Variants in LRP1B observed in about 807,000 individuals in gnomAD.
LRP1B encodes low-density lipoprotein receptor-related protein 1B.
A neutral mutation model predicts 556.6 loss-of-function variants in LRP1B; 217 were observed. The ratio of observed to expected loss-of-function variants is 0.39; its 90% CI spans 0.35 to 0.44. The LOEUF (loss-of-function observed/expected upper bound fraction) is 0.44, where lower values mean the gene tolerates loss of function less well. Ranked by LOEUF, LRP1B falls within the 20% of genes least tolerant of loss-of-function variation. LRP1B has a pLI of 1.00. For missense variants in LRP1B, 5,053 were observed against 5,620.8 expected (o/e 0.90, Z 3.23); for synonymous variants, 2,047 against 1,865.8 (o/e 1.10, Z -2.50).
chr2:141,285,455 CT>C (rs1170251213), intron 3 of LRP1B, among the ~76,000 whole-genome samples: 12,485 of 110,456 alleles, frequency 0.11, 574 homozygotes, highest in African/African-American at 0.15. Flanking sequence ...ATTTTTTTTT[CT>C]TTTTTTTTTT....
intron 2 of LRP1B, among the ~76,000 whole-genome samples, chr2:141,618,816 T>C (rs1688402859): frequency 6.6e-6 from 1 of 152,192 alleles, no homozygotes; most frequent in Admixed American, 6.5e-5. Context: ...TGTGATAGGA[T>C]TAAAGTGGGT....
At chr2:141,966,010 C>G (rs1701556043) in intron 1 of LRP1B, among the ~76,000 whole-genome samples, 1 of 151,720 alleles carries the variant, frequency 6.6e-6, no homozygotes, top group Admixed American at 6.6e-5. Context: ...TTACCTAAGG[C>G]TGGTTTTAAA....
chr2:141,277,891 G>A (rs1685364204), intron 3 of LRP1B, among the ~76,000 whole-genome samples: 1 of 151,734 alleles, frequency 6.6e-6, no homozygotes. Context: ...ACATTGGAAA[G>A]GCAAACAAAA....
intron 2 of LRP1B, among the ~76,000 whole-genome samples, chr2:141,508,798 G>A (rs765324007): frequency 9.2e-5 from 14 of 151,994 alleles, no homozygotes; most frequent in African/African-American, 2.2e-4. Flanking sequence ...TTAGGAAGGC[G>A]GAATGCATCT....
intron 2 of LRP1B, among the ~76,000 whole-genome samples, chr2:141,586,882 C>T (rs1687155719): frequency 6.8e-6 from 1 of 147,776 alleles, no homozygotes; most frequent in South Asian, 2.1e-4. Context: ...GTGGAGCTTG[C>T]AGTGAGCCGA....
At chr2:140,657,647 A>C (rs1684938605) in intron 41 of LRP1B, among the ~76,000 whole-genome samples, 1 of 144,112 alleles carries the variant, frequency 6.9e-6, no homozygotes, top group African/African-American at 2.5e-5. Context: ...ATACATACAT[A>C]TATACATACA....
At chr2:140,406,283 A>T (rs1350928246) in intron 66 of LRP1B, among the ~76,000 whole-genome samples, 1 of 152,134 alleles carries the variant, frequency 6.6e-6, no homozygotes. Flanking sequence ...GAACTGGAAC[A>T]AGATAAGGAT....
intron 2 of LRP1B, among the ~76,000 whole-genome samples, chr2:141,573,702 G>C (rs922017681): frequency 6.7e-6 from 1 of 148,234 alleles, no homozygotes; most frequent in Non-Finnish European, 1.5e-5. Flanking sequence ...TAGACCACTA[G>C]CTAGACTCAT....
intron 31 of LRP1B, among the ~76,000 whole-genome samples, chr2:140,816,601 C>A (rs1016940530): frequency 3.8e-4 from 58 of 152,158 alleles, no homozygotes; most frequent in African/African-American, 1.4e-3. Context: ...ATTAATCTCT[C>A]TATATATATG....
In LRP1B at chr2:141,032,826, C is replaced by CATACATACATATATATATAT; in HGVS notation, c.1790-12725_1790-12724insATATATATATATGTATGTAT. Among the ~76,000 whole-genome samples, 26 of 126,656 alleles carry CATACATACATATATATATAT rather than the reference C, an allele frequency of 2.1e-4. 2 individuals carry two copies. The East Asian group carries it at 4.0e-3, about 20-fold the overall frequency. 83.1% of individuals were successfully genotyped at this position (126,656 alleles called of 152,430 possible). A position where few individuals can be genotyped will look rare whatever the true frequency, so the allele number is the denominator to read the frequency against. ...ATGTGTGTGTGTATATATATACATA[C>CATACATACATATATATATAT]ATATATATATATATGCAGGCATATG... On this transcript the variant is annotated intron_variant, in intron 11 of 90. Coordinates refer to ENST00000389484, the MANE Select transcript of LRP1B (RefSeq NM_018557.3).
At chr2:141,051,166 T>C (rs1017655913) in intron 10 of LRP1B, among the ~76,000 whole-genome samples, 11 of 152,146 alleles carry the variant, frequency 7.2e-5, no homozygotes, top group African/African-American at 2.7e-4. Flanking sequence ...GAAACGCTTT[T>C]ACATTGTTGG....
At chr2:141,283,284 A>G (rs1208994365) in intron 3 of LRP1B, among the ~76,000 whole-genome samples, 4 of 152,288 alleles carry the variant, frequency 2.6e-5, no homozygotes, top group African/African-American at 9.6e-5. Flanking sequence ...TGCTAAGTAG[A>G]AATGTATCAG....
intron 2 of LRP1B, among the ~76,000 whole-genome samples, chr2:141,672,711 C>T (rs1690720550): frequency 6.6e-6 from 1 of 152,130 alleles, no homozygotes; most frequent in African/African-American, 2.4e-5. Flanking sequence ...CACATGATGC[C>T]TGAAATGTGA....
At chr2:141,699,163 G>T (rs1175464776) in intron 2 of LRP1B, among the ~76,000 whole-genome samples, 1 of 151,648 alleles carries the variant, frequency 6.6e-6, no homozygotes, top group East Asian at 1.9e-4. Context: ...ATATTTCCCA[G>T]CCTGGCTTCA....
At chr2:141,005,827 C>T (rs1697558568) in intron 14 of LRP1B, among the ~76,000 whole-genome samples, 1 of 151,848 alleles carries the variant, frequency 6.6e-6, no homozygotes, top group African/African-American at 2.4e-5. Flanking sequence ...GCTTTGGATT[C>T]CCAGGGAACA....
chr2:140,264,677 T>C (rs1030258633), intron 86 of LRP1B, among the ~76,000 whole-genome samples: 4 of 11,382 alleles, frequency 3.5e-4, no homozygotes, highest in Non-Finnish European at 2.7e-3. Context: ...GCCCATAAAA[T>C]GACAAAAAAA....
chr2:140,733,148 C>G (rs185406432), intron 35 of LRP1B, among the ~76,000 whole-genome samples: 1 of 152,026 alleles, frequency 6.6e-6, no homozygotes. Context: ...AAAGGAATCT[C>G]GAGTGCTTCA....
At chr2:140,860,365 CT>C (rs1016993346) in intron 27 of LRP1B, among the ~76,000 whole-genome samples, 2 of 152,028 alleles carry the variant, frequency 1.3e-5, no homozygotes, top group Non-Finnish European at 2.9e-5. Context: ...GGTTTTGATT[CT>C]TTTTTAAAAG....
chr2:141,283,828 G>T (rs1270143903), intron 3 of LRP1B, among the ~76,000 whole-genome samples: 3 of 132,898 alleles, frequency 2.3e-5, no homozygotes, highest in Admixed American at 2.3e-4. Flanking sequence ...CACTTTAAAA[G>T]AAAAAAAAAA....
Sources: gnomAD v4.1 joint callset for allele counts (sites outside exome capture counted in the v4.1 genomes callset) on GRCh38, gnomAD v4.1.1 for gene constraint, MANE v1.5 for transcripts, NCBI Gene and HGNC (gene_info 2026-07-23, HGNC 2026-07-21) for gene names.